Variants in CNBD1 observed in about 807,000 individuals in gnomAD.
CNBD1 encodes the protein cyclic nucleotide binding domain containing 1, also known as cyclic nucleotide-binding domain-containing protein 1.
In CNBD1, 71 loss-of-function variants were observed where a neutral mutation model predicts 54.4. The ratio of observed to expected loss-of-function variants is 1.30; its 90% CI spans 1.08 to 1.59. CNBD1 has a LOEUF of 1.59. CNBD1 is among the 40% of genes most tolerant of loss of function. The probability of loss-of-function intolerance (pLI) is 0.00; values close to 1 mark genes in which losing one functional copy is unlikely to be tolerated. For missense variants in CNBD1, 659 were observed against 518.0 expected (o/e 1.27, Z -2.64); for synonymous variants, 182 against 170.7 (o/e 1.07, Z -0.51).
intron 5 of CNBD1, among the ~76,000 whole-genome samples, chr8:87,232,289 C>T (rs774983934): frequency 6.6e-6 from 1 of 151,806 alleles, no homozygotes; most frequent in Non-Finnish European, 1.5e-5. Context: ...GAGCAAATAC[C>T]TAAGAATGAA....
At chr8:87,294,285 A>G (rs1274577225) in intron 8 of CNBD1, among the ~76,000 whole-genome samples, 1 of 152,192 alleles carries the variant, frequency 6.6e-6, no homozygotes, top group Non-Finnish European at 1.5e-5. Flanking sequence ...TTTCAAATAC[A>G]TTTCCACTTC....
chr8:87,364,389 G>A (rs962892625), intron 10 of CNBD1, among the ~76,000 whole-genome samples: 2 of 151,740 alleles, frequency 1.3e-5, no homozygotes, highest in African/African-American at 4.8e-5. Flanking sequence ...GTTTTTGCTC[G>A]AGTTTGGCTT....
At chr8:87,242,631 A>T (rs1807730462) in intron 6 of CNBD1, among the ~76,000 whole-genome samples, 1 of 152,156 alleles carries the variant, frequency 6.6e-6, no homozygotes, top group African/African-American at 2.4e-5. Flanking sequence ...CACATCTTAC[A>T]TGTAATGATT....
At chr8:87,064,235 T>C (rs888303391) in intron 4 of CNBD1, among the ~76,000 whole-genome samples, 2 of 152,038 alleles carry the variant, frequency 1.3e-5, no homozygotes, top group Admixed American at 6.6e-5. Flanking sequence ...TCCTAACATA[T>C]CTGATTTAAA....
intron 6 of CNBD1, among the ~76,000 whole-genome samples, chr8:87,245,188 A>C (rs1023069859): frequency 6.6e-6 from 1 of 152,064 alleles, no homozygotes; most frequent in African/African-American, 2.4e-5. Flanking sequence ...AAGAGTTAAA[A>C]TGTGTGCTGT....
intron 3 of CNBD1, among the ~76,000 whole-genome samples, chr8:86,938,754 C>A (rs1316671745): frequency 6.6e-6 from 1 of 152,148 alleles, no homozygotes; most frequent in Non-Finnish European, 1.5e-5. Flanking sequence ...GGGGACACAG[C>A]CAAACCATAT....
At chr8:87,249,237 A>G (rs1387857486) in intron 6 of CNBD1, among the ~76,000 whole-genome samples, 1 of 152,162 alleles carries the variant, frequency 6.6e-6, no homozygotes, top group East Asian at 1.9e-4. Context: ...ACAGTTCACA[A>G]TAGGGTTCAT....
chr8:86,945,527 T>A (rs1043392721), intron 4 of CNBD1, among the ~76,000 whole-genome samples: 1 of 152,128 alleles, frequency 6.6e-6, no homozygotes, highest in African/African-American at 2.4e-5. Flanking sequence ...CAAACTATAT[T>A]TAAGGGCTGC....
In CNBD1 at chr8:87,284,826, A is replaced by G; in HGVS notation, c.909+11A>G. ...GCAAAGATAAAGGAGGTAAGATGAT[A>G]TCTAATATTTTATATAAACAAAAAT... On this transcript the variant is annotated intron_variant, in intron 7 of 10. Transcript: ENST00000518476. 6.5e-7 allele frequency: 1 copy of G among 1,546,120 alleles called. No individual in the cohort carries two copies. The highest frequency in any genetic ancestry group is 8.7e-7 in the Non-Finnish European group (1 of 1,145,564).
chr8:87,089,305 TTAAGAA>T (rs943593189), intron 4 of CNBD1, among the ~76,000 whole-genome samples: 1 of 152,090 alleles, frequency 6.6e-6, no homozygotes, highest in Non-Finnish European at 1.5e-5. Flanking sequence ...TAAATATACT[TTAAGAA>T]TAATTTTTTT....
chr8:87,176,362 T>A (rs1342437958), intron 4 of CNBD1, among the ~76,000 whole-genome samples: 1 of 152,242 alleles, frequency 6.6e-6, no homozygotes, highest in Non-Finnish European at 1.5e-5. Context: ...TAGGCTTAAT[T>A]AAATCATATT....
At chr8:87,375,828 A>G (rs1402810892) in intron 10 of CNBD1, among the ~76,000 whole-genome samples, 1 of 151,890 alleles carries the variant, frequency 6.6e-6, no homozygotes, top group Non-Finnish European at 1.5e-5. Flanking sequence ...CCGTCACTAA[A>G]TACTTTCCTA....
chr8:87,323,710 G>A (rs74414540), intron 8 of CNBD1, among the ~76,000 whole-genome samples: 21,960 of 102,874 alleles, frequency 0.21, 2,877 homozygotes, highest in Middle Eastern at 0.31. Flanking sequence ...GGACTGAGAC[G>A]ATGGGGTTTT....
At chr8:86,973,873 TTC>T (rs1808279527) in intron 4 of CNBD1, among the ~76,000 whole-genome samples, 2 of 152,140 alleles carry the variant, frequency 1.3e-5, no homozygotes, top group Non-Finnish European at 2.9e-5. Flanking sequence ...ATTTGCTGAT[TTC>T]GGAGAGTGAC....
intron 8 of CNBD1, among the ~76,000 whole-genome samples, chr8:87,302,223 G>A (rs1199135212): frequency 7.9e-5 from 12 of 152,196 alleles, no homozygotes; most frequent in East Asian, 7.7e-4. Flanking sequence ...GATGAACATC[G>A]AAGCAAAAAT....
rs141216281 is a variant in CNBD1 at position 87,163,038 on chromosome 8, AT to A, written c.432-42951del. On this transcript the variant is annotated intron_variant, in intron 4 of 10. Transcript: ENST00000518476. This position sits in a 1 kb window ranked among gnomAD's most constrained non-coding sequence, Gnocchi z 4.5. ...CAAAAGATGTAGCTTTCAAAGCACC[AT>A]TTTGGGGGCAGAGAGAGCAGCCTTC... Among the ~76,000 whole-genome samples, 2,441 of 152,186 alleles carry A rather than the reference AT, an allele frequency of 0.016. 25 individuals are homozygous for A. The highest frequency in any genetic ancestry group is 0.025 in the Non-Finnish European group (1,727 of 67,974).
At chr8:86,935,017 G>GTTTATTTATTTATTTATTTA (rs199778224) in intron 3 of CNBD1, among the ~76,000 whole-genome samples, 1 of 65,840 alleles carries the variant, frequency 1.5e-5, no homozygotes, top group Non-Finnish European at 4.1e-5. Context: ...TTGTTTGTTT[G>GTTTATTTATTTATTTATTTA]TTTATTTATT....
intron 4 of CNBD1, among the ~76,000 whole-genome samples, chr8:87,038,025 T>G (rs1160476082): frequency 6.6e-6 from 1 of 152,182 alleles, no homozygotes; most frequent in African/African-American, 2.4e-5. Context: ...TCATGGGGCC[T>G]GATGATAGAG....
intron 2 of CNBD1, among the ~76,000 whole-genome samples, chr8:87,403,202 T>A (rs1438236124): frequency 6.6e-6 from 1 of 152,016 alleles, no homozygotes; most frequent in Admixed American, 6.6e-5. Context: ...TTCAAAAATA[T>A]AGTTTGAGAC....
Sources: gnomAD v4.1 joint callset for allele counts (sites outside exome capture counted in the v4.1 genomes callset) on GRCh38, gnomAD v4.1.1 for gene constraint, Gnocchi (gnomAD v3.1) non-coding constraint, MANE v1.5 for transcripts, NCBI Gene and HGNC (gene_info 2026-07-23, HGNC 2026-07-21) for gene names.